TBC1D19: variants seen among roughly 807,000 people sequenced by gnomAD.
The protein encoded by TBC1D19 is TBC1 domain family member 19.
Under a neutral mutation model 89.0 loss-of-function variants are expected in TBC1D19, and 60 were observed. The ratio of observed to expected loss-of-function variants is 0.67; its 90% confidence interval spans 0.55 to 0.84. The LOEUF (loss-of-function observed/expected upper bound fraction) is 0.84, where lower values mean the gene tolerates loss of function less well. Ranked by LOEUF, TBC1D19 falls within the 40% of genes least tolerant of loss-of-function variation. TBC1D19 has a pLI of 0.00. For missense variants in TBC1D19, 500 were observed against 610.8 expected (o/e 0.82, Z 1.91); for synonymous variants, 189 against 199.7 (o/e 0.95, Z 0.45).
upstream of TBC1D19, among the ~76,000 whole-genome samples, chr4:26,582,425 C>T (rs1418725836): frequency 6.6e-6 from 1 of 152,204 alleles, no homozygotes; most frequent in Non-Finnish European, 1.5e-5. Flanking sequence ...CTTCATCCTT[C>T]CCTTCAACGC....
upstream of TBC1D19, among the ~76,000 whole-genome samples, chr4:26,579,571 C>T (rs771054685): frequency 5.9e-5 from 9 of 151,708 alleles, no homozygotes; most frequent in Non-Finnish European, 8.8e-5. Context: ...TATACATGTG[C>T]CATTGTGGTT....
chr4:26,698,182 A>G (rs957326506), intron 13 of TBC1D19, among the ~76,000 whole-genome samples: 3 of 152,232 alleles, frequency 2.0e-5, no homozygotes, highest in Non-Finnish European at 4.4e-5. Flanking sequence ...TACAAAATCA[A>G]TGTGCAAAAA....
chr4:26,626,560 G>C (rs1233608683), intron 4 of TBC1D19, among the ~76,000 whole-genome samples: 1 of 152,076 alleles, frequency 6.6e-6, no homozygotes, highest in Non-Finnish European at 1.5e-5. Flanking sequence ...ATTTGAACCT[G>C]GTCAGCCTGG....
intron 1 of TBC1D19, among the ~76,000 whole-genome samples, chr4:26,611,510 G>A (rs1741380390): frequency 6.6e-6 from 1 of 152,026 alleles, no homozygotes; most frequent in South Asian, 2.1e-4. Context: ...ATCAGACTCA[G>A]GTATTATCCC....
At chr4:26,631,538 T>TA (rs1742807587) in intron 4 of TBC1D19, among the ~76,000 whole-genome samples, 1 of 152,108 alleles carries the variant, frequency 6.6e-6, no homozygotes, top group Admixed American at 6.6e-5. Flanking sequence ...TTCTAGTTAT[T>TA]AAAAAACCCC....
chr4:26,835,618 C>T, the TBC1D19 span, among the ~76,000 whole-genome samples: 3 of 152,286 alleles, frequency 2.0e-5, no homozygotes, highest in East Asian at 1.9e-4. Flanking sequence ...GAACACCTCT[C>T]GAATCTACCA....
the TBC1D19 span, among the ~76,000 whole-genome samples, chr4:26,810,334 C>G: frequency 6.6e-6 from 1 of 152,322 alleles, no homozygotes; most frequent in South Asian, 2.1e-4. Flanking sequence ...TCTGTGGGAA[C>G]TCAACCTCAG....
the TBC1D19 span, among the ~76,000 whole-genome samples, chr4:26,850,231 G>T: frequency 6.6e-6 from 1 of 152,040 alleles, no homozygotes; most frequent in East Asian, 1.9e-4. Flanking sequence ...ATTCAGTATG[G>T]CTAGTGTCCT....
chr4:26,627,006 A>G (rs1413450687), intron 4 of TBC1D19, among the ~76,000 whole-genome samples: 4 of 151,738 alleles, frequency 2.6e-5, no homozygotes, highest in African/African-American at 9.7e-5. Context: ...GTCATTTAGC[A>G]TTAGGTATAT....
At chr4:26,836,492 T>A in the TBC1D19 span, among the ~76,000 whole-genome samples, 1 of 152,188 alleles carries the variant, frequency 6.6e-6, no homozygotes, top group African/African-American at 2.4e-5. Context: ...CTTGTCCAGC[T>A]TTTGAGCTGT....
chr4:26,790,407 G>GT, the TBC1D19 span, among the ~76,000 whole-genome samples: 3 of 152,156 alleles, frequency 2.0e-5, no homozygotes, highest in African/African-American at 7.2e-5. Context: ...GTTAGGGTGA[G>GT]TTTTTTACAG....
intron 17 of TBC1D19, 121 bp downstream of exon 17, chr4:26,740,094 C>A: frequency 5.9e-6 from 3 of 511,394 alleles, no homozygotes; most frequent in South Asian, 6.3e-5. Context: ...TGATGTCAAG[C>A]AATGTGTTTT....
the TBC1D19 span, among the ~76,000 whole-genome samples, chr4:26,818,242 T>G: frequency 1.3e-5 from 2 of 152,174 alleles, no homozygotes; most frequent in African/African-American, 4.8e-5. Flanking sequence ...GTTTATTTAT[T>G]TTTGAGACAG....
chr4:26,813,441 G>A, the TBC1D19 span, among the ~76,000 whole-genome samples: 1 of 152,122 alleles, frequency 6.6e-6, no homozygotes, highest in African/African-American at 2.4e-5. Flanking sequence ...AAATTAATGA[G>A]AAGTTATTTA....
intron 4 of TBC1D19, among the ~76,000 whole-genome samples, chr4:26,627,122 G>A (rs1456343009): frequency 6.6e-6 from 1 of 151,542 alleles, no homozygotes; most frequent in African/African-American, 2.4e-5. Flanking sequence ...TCCCACCTAT[G>A]AGTGAGAACA....
At chr4:26,837,632 A>G in the TBC1D19 span, among the ~76,000 whole-genome samples, 576 of 152,304 alleles carry the variant, frequency 3.8e-3, 3 homozygotes, top group African/African-American at 0.013. Flanking sequence ...ATTGATATTG[A>G]TCTATAACTG....
chr4:26,650,515 G>T (rs900344720), intron 7 of TBC1D19, among the ~76,000 whole-genome samples: 8 of 151,870 alleles, frequency 5.3e-5, no homozygotes, highest in Non-Finnish European at 1.2e-4. Context: ...TGTCTTCTTT[G>T]GAGAAGTGTC....
At chr4:26,808,622 G>A in the TBC1D19 span, among the ~76,000 whole-genome samples, 453 of 151,742 alleles carry the variant, frequency 3.0e-3, 3 homozygotes, top group African/African-American at 0.01. Flanking sequence ...CCAGCTACTC[G>A]GGAGGCTGAG....
At chr4:26,683,569 A>G in intron 11 of TBC1D19, 106 bp from the exon 12 acceptor site, 1 of 805,284 alleles carries the variant, frequency 1.2e-6, no homozygotes, top group Non-Finnish European at 2.0e-6. Context: ...CCTAACACTG[A>G]GTTCCTGCCC....
Sources: allele counts gnomAD v4.1 joint callset (sites outside exome capture counted in the v4.1 genomes callset), GRCh38; gene constraint gnomAD v4.1.1; transcripts MANE v1.5; gene names NCBI Gene and HGNC (gene_info 2026-07-23, HGNC 2026-07-21).